Variants in CNTN1 observed in about 807,000 individuals in gnomAD.
CNTN1 encodes contactin 1.
A neutral mutation model predicts 126.4 loss-of-function variants in CNTN1; 38 were observed. The ratio of observed to expected loss-of-function variants is 0.30; its 90% CI spans 0.23 to 0.39. The LOEUF is 0.39. Among genes scored for constraint, CNTN1 ranks in the 10% least tolerant of loss-of-function variants. The probability of loss-of-function intolerance (pLI) is 1.00; values close to 1 mark genes in which losing one functional copy is unlikely to be tolerated. For missense variants in CNTN1, 1,009 were observed against 1,248.4 expected (o/e 0.81, Z 2.89); for synonymous variants, 413 against 422.6 (o/e 0.98, Z 0.28).
At chr12:40,949,004 G>A (rs1176802433) in intron 14 of CNTN1, among the ~76,000 whole-genome samples, 1 of 152,140 alleles carries the variant, frequency 6.6e-6, no homozygotes, top group African/African-American at 2.4e-5. Flanking sequence ...CCATTCAAGA[G>A]AGAAGAAGAC....
intron 1 of CNTN1, among the ~76,000 whole-genome samples, chr12:40,821,891 G>C (rs1171493215): frequency 6.6e-6 from 1 of 151,824 alleles, no homozygotes; most frequent in African/African-American, 2.4e-5. Flanking sequence ...AACCAAGGGA[G>C]CTGGCTTTAT....
rs546589910 is a variant in CNTN1, at chr12:41,072,207, A to T, written c.*2172A>T. 6.6e-6 allele frequency: 1 copy of T among 152,302 alleles called. No homozygotes were observed. The highest frequency in any genetic ancestry group is 2.1e-4 in the South Asian group (1 of 4,826). The allele number at this position is 152,302 out of a possible 1,614,324, so 9.4% of individuals were successfully genotyped here. A position where few individuals can be genotyped will look rare whatever the true frequency, so the allele number is the denominator to read the frequency against. Reference sequence around the variant, plus strand: ...TTTAAGACGCAAGATTCTGAATTAAACTTTATATAGGTATAGATACATCTG... The same window carrying T: ...TTTAAGACGCAAGATTCTGAATTAATCTTTATATAGGTATAGATACATCTG... On this transcript the variant is annotated 3_prime_UTR_variant, in exon 24 of 24. Coordinates refer to ENST00000551295, the MANE Select transcript of CNTN1 (RefSeq NM_001843.4).
At chr12:40,795,192 G>A (rs1232372150) in intron 1 of CNTN1, among the ~76,000 whole-genome samples, 1 of 151,526 alleles carries the variant, frequency 6.6e-6, no homozygotes, top group Non-Finnish European at 1.5e-5. Context: ...CCAGCCTTGG[G>A]GATTTCTTAC....
At chr12:40,905,897 A>G (rs1409304476) in intron 1 of CNTN1, among the ~76,000 whole-genome samples, 3 of 152,208 alleles carry the variant, frequency 2.0e-5, no homozygotes, top group Non-Finnish European at 4.4e-5. Flanking sequence ...ACTTAAGTCT[A>G]TATGTAGATA....
intron 21 of CNTN1, 100 bp from the exon 22 acceptor site, chr12:41,027,757 G>A (rs1949063736): frequency 1.3e-6 from 1 of 776,632 alleles, no homozygotes; most frequent in Non-Finnish European, 2.3e-6. Flanking sequence ...CTAGATGGTG[G>A]TGGTCATTAT....
intron 1 of CNTN1, among the ~76,000 whole-genome samples, chr12:40,842,170 G>A (rs541095397): frequency 9.2e-5 from 14 of 152,048 alleles, no homozygotes; most frequent in South Asian, 2.1e-4. Flanking sequence ...GAGGAAATAC[G>A]TACATTTTAC....
In CNTN1 at chr12:40,877,988, C is replaced by CTT. The variant is rs199626249; in HGVS notation, c.-76-30344_-76-30343dup. ...TCCCCACCAAAGAAACAGTTTTTTC[C>CTT]TTTTTTTTTTTTTTTTTTTTTTTTT... On this transcript the variant is annotated intron_variant, in intron 1 of 23. Transcript: ENST00000551295. Among the ~76,000 whole-genome samples the CTT allele has an allele frequency of 2.0e-3, 224 of 109,352 alleles. 4 individuals are homozygous for CTT. Among genetic ancestry groups the CTT allele is most frequent in the Non-Finnish European group, 2.7e-3 (143 of 52,374 alleles). 71.7% of individuals were successfully genotyped at this position (109,352 alleles called of 152,430 possible).
chr12:41,009,067 G>A (rs1340834179), intron 17 of CNTN1, among the ~76,000 whole-genome samples: 1 of 152,160 alleles, frequency 6.6e-6, no homozygotes, highest in Non-Finnish European at 1.5e-5. Context: ...CTCTGTAAAG[G>A]AGCCTCTGTC....
rs150912727 is a variant in CNTN1, at chr12:40,938,934, C to A, written c.1229-401C>A. Among the ~76,000 whole-genome samples, 767 of 152,032 alleles carry A rather than the reference C, an allele frequency of 5.0e-3. 3 individuals carry two copies. The highest frequency in any genetic ancestry group is 7.5e-3 in the Non-Finnish European group (507 of 67,974). ...GACTACAGGCATGCACCAACATGCC[C>A]AGCTAATTTTTTTGTATTTTAGGTA... On this transcript the variant is annotated intron_variant, in intron 11 of 23. Coordinates refer to ENST00000551295, the MANE Select transcript of CNTN1 (RefSeq NM_001843.4).
intron 1 of CNTN1, among the ~76,000 whole-genome samples, chr12:40,754,011 C>T (rs991706374): frequency 9.2e-5 from 14 of 151,832 alleles, no homozygotes; most frequent in Admixed American, 4.6e-4. Context: ...TGCTTCATAT[C>T]GTTAAATTAC....
At chr12:40,904,175 C>G (rs553286927) in intron 1 of CNTN1, among the ~76,000 whole-genome samples, 1 of 151,336 alleles carries the variant, frequency 6.6e-6, no homozygotes, top group Non-Finnish European at 1.5e-5. Flanking sequence ...CCTGCCACCA[C>G]GCACAGCTAA....
At chr12:40,749,167 A>G (rs1346879925) in intron 1 of CNTN1, among the ~76,000 whole-genome samples, 2 of 152,104 alleles carry the variant, frequency 1.3e-5, no homozygotes, top group Non-Finnish European at 2.9e-5. Flanking sequence ...AATCATTGAG[A>G]GACTGAGCTA....
intron 23 of CNTN1, among the ~76,000 whole-genome samples, chr12:41,046,386 A>C (rs1949539307): frequency 6.6e-6 from 1 of 152,102 alleles, no homozygotes; most frequent in Admixed American, 6.6e-5. Context: ...ACAATCAAAC[A>C]TATTCTCATA....
At chr12:40,703,258 A>G (rs1565620199) in intron 1 of CNTN1, among the ~76,000 whole-genome samples, 1 of 152,164 alleles carries the variant, frequency 6.6e-6, no homozygotes, top group South Asian at 2.1e-4. Flanking sequence ...CATAAAACAT[A>G]ACATTTGGTA....
intron 1 of CNTN1, among the ~76,000 whole-genome samples, chr12:40,796,806 A>G (rs1940450663): frequency 6.6e-6 from 1 of 152,084 alleles, no homozygotes; most frequent in East Asian, 1.9e-4. Context: ...CACATAGACC[A>G]AAAAGGTCAG....
At position 40,754,855 on chromosome 12, in the gene CNTN1, C is replaced by T. The variant is rs183092287; in HGVS notation, c.-77+62263C>T. Among the ~76,000 whole-genome samples the T allele has an allele frequency of 3.0e-3, 454 of 151,918 alleles. 3 individuals carry two copies. Among genetic ancestry groups the T allele is most frequent in the African/African-American group, 0.01 (416 of 41,460 alleles). ...CTTCTATTAGTACCATTTTCAATAT[C>T]GTTGTTGCTTTATAATATGTCCTCA... is the stretch of plus-strand genomic sequence containing the variant. On this transcript the variant is annotated intron_variant, in intron 1 of 23. Coordinates refer to ENST00000551295, the MANE Select transcript of CNTN1 (RefSeq NM_001843.4).
intron 1 of CNTN1, among the ~76,000 whole-genome samples, chr12:40,818,072 G>T (rs11178530): frequency 1.3e-5 from 2 of 151,784 alleles, no homozygotes; most frequent in African/African-American, 4.8e-5. Context: ...GTGACCTGGC[G>T]TTTCTTTCTG....
intron 1 of CNTN1, among the ~76,000 whole-genome samples, chr12:40,708,221 T>C (rs1941819038): frequency 6.6e-6 from 1 of 152,222 alleles, no homozygotes; most frequent in African/African-American, 2.4e-5. Flanking sequence ...GCTATGAGCA[T>C]ACCTTGTAGC....
chr12:40,845,569 A>G (rs908935697), intron 1 of CNTN1, among the ~76,000 whole-genome samples: 3 of 150,152 alleles, frequency 2.0e-5, no homozygotes, highest in Non-Finnish European at 4.5e-5. Flanking sequence ...GTGTTGAATA[A>G]AGCTCCTAGA....
Sources: gnomAD v4.1 joint callset for allele counts (sites outside exome capture counted in the v4.1 genomes callset) on GRCh38, gnomAD v4.1.1 for gene constraint, MANE v1.5 for transcripts, NCBI Gene and HGNC (gene_info 2026-07-23, HGNC 2026-07-21) for gene names.